Variants in SLC25A37 observed in about 807,000 individuals in gnomAD.
SLC25A37 encodes the protein mitoferrin-1.
A neutral mutation model predicts 31.0 loss-of-function variants in SLC25A37; 17 were observed. That is an observed-to-expected ratio of 0.55 (90% CI 0.38 to 0.82). The LOEUF (loss-of-function observed/expected upper bound fraction) is 0.82, where lower values mean the gene tolerates loss of function less well. Ranked by LOEUF, SLC25A37 falls within the 40% of genes least tolerant of loss-of-function variation. The pLI, the probability that SLC25A37 is intolerant of heterozygous loss-of-function variation, is 0.00. For synonymous variants in SLC25A37, 222 were observed against 193.0 expected (o/e 1.15, Z -1.24); for missense variants, 404 against 465.8 (o/e 0.87, Z 1.22).
At position 23,572,580 on chromosome 8, in the gene SLC25A37, G is replaced by C. The variant is rs762639345; in HGVS notation, c.*725G>C. ...TCTTTTCATGGGGGAAAAAAGGTAC[G>C]TTAAAAAAATCAAAATAATGATATG... On this transcript the variant is annotated 3_prime_UTR_variant, in exon 4 of 4. Coordinates refer to ENST00000519973, the MANE Select transcript of SLC25A37 (RefSeq NM_016612.4). The C allele has an allele frequency of 6.6e-6, 1 of 152,154 alleles. No individual in the cohort carries two copies. Among genetic ancestry groups the C allele is most frequent in the African/African-American group, 2.4e-5 (1 of 41,380 alleles). The allele number at this position is 152,154 out of a possible 1,614,324, so 9.4% of individuals were successfully genotyped here. A position where few individuals can be genotyped will look rare whatever the true frequency, so the allele number is the denominator to read the frequency against.
At chr8:23,559,405 C>A (rs1219393056) in intron 1 of SLC25A37, among the ~76,000 whole-genome samples, 1 of 152,132 alleles carries the variant, frequency 6.6e-6, no homozygotes, top group African/African-American at 2.4e-5. Flanking sequence ...TCTGCCCTGT[C>A]TCTGCATCCT....
chr8:23,555,546 A>G (rs1802341329), intron 1 of SLC25A37, among the ~76,000 whole-genome samples: 1 of 152,188 alleles, frequency 6.6e-6, no homozygotes, highest in Admixed American at 6.5e-5. Context: ...CAAATGTGCA[A>G]TGAAAACTCT....
chr8:23,556,532 T>G (rs775754593), intron 1 of SLC25A37, among the ~76,000 whole-genome samples: 14 of 151,680 alleles, frequency 9.2e-5, no homozygotes, highest in Non-Finnish European at 1.9e-4. Flanking sequence ...AGCTCAAATT[T>G]TCCTTTTCAT....
intron 1 of SLC25A37, chr8:23,531,913 A>C (rs1801669608): frequency 6.6e-6 from 1 of 152,236 alleles, no homozygotes; most frequent in African/African-American, 2.4e-5. Flanking sequence ...AAAATAAATA[A>C]ATAAATAAAA....
At chr8:23,563,212 G>A (rs1352378729) in intron 1 of SLC25A37, among the ~76,000 whole-genome samples, 2 of 151,946 alleles carry the variant, frequency 1.3e-5, no homozygotes, top group Admixed American at 1.3e-4. Flanking sequence ...TTTAAGACAG[G>A]GTTTTGTTCT....
intron 1 of SLC25A37, among the ~76,000 whole-genome samples, chr8:23,548,735 G>C (rs932369478): frequency 6.6e-6 from 1 of 152,164 alleles, no homozygotes; most frequent in Non-Finnish European, 1.5e-5. Flanking sequence ...CTCCTAAAGT[G>C]CTGGGATTAC....
chr8:23,561,640 A>G (rs1156777257), intron 1 of SLC25A37, among the ~76,000 whole-genome samples: 1 of 152,108 alleles, frequency 6.6e-6, no homozygotes, highest in African/African-American at 2.4e-5. Flanking sequence ...CCCTGCCCTC[A>G]CTCAGCCACT....
intron 1 of SLC25A37, among the ~76,000 whole-genome samples, chr8:23,537,196 A>AAAG: frequency 8.0e-5 from 1 of 12,492 alleles, no homozygotes; most frequent in East Asian, 7.7e-3. Context: ...ACCCTGTCTC[A>AAAG]AAAAAAAAAA....
chr8:23,553,257 C>T (rs1293097533), intron 1 of SLC25A37, among the ~76,000 whole-genome samples: 1 of 151,832 alleles, frequency 6.6e-6, no homozygotes, highest in Non-Finnish European at 1.5e-5. Context: ...CCAGTCTCTA[C>T]CAAAAAACAC....
At chr8:23,540,228 T>C (rs1004382781) in intron 1 of SLC25A37, among the ~76,000 whole-genome samples, 2 of 152,200 alleles carry the variant, frequency 1.3e-5, no homozygotes, top group African/African-American at 4.8e-5. Flanking sequence ...AACTCGGGCC[T>C]TTTTCTGCTC....
chr8:23,538,850 A>C (rs1259870192), intron 1 of SLC25A37, among the ~76,000 whole-genome samples: 1 of 152,150 alleles, frequency 6.6e-6, no homozygotes, highest in Non-Finnish European at 1.5e-5. Context: ...TGAACTGCTC[A>C]AGCTGCTGCC....
intron 1 of SLC25A37, among the ~76,000 whole-genome samples, chr8:23,549,292 C>T (rs1391103159): frequency 1.3e-5 from 2 of 152,140 alleles, no homozygotes; most frequent in Non-Finnish European, 2.9e-5. Flanking sequence ...CTGCCTCCTC[C>T]TCTCACTTTT....
chr8:23,551,522 G>T (rs932075092), intron 1 of SLC25A37, among the ~76,000 whole-genome samples: 4 of 151,902 alleles, frequency 2.6e-5, no homozygotes, highest in African/African-American at 9.7e-5. Flanking sequence ...GAGTCAGGAA[G>T]GAATTGGTAA....
chr8:23,569,399 G>GCACA lies in SLC25A37; in HGVS notation c.496+1023_496+1024insCACA, dbSNP rs1366583031. 1.8e-4 allele frequency among the ~76,000 whole-genome samples: 11 copies of GCACA among 62,448 alleles called. No individual in the cohort carries two copies. The East Asian group carries it at 3.6e-3, about 21-fold the overall frequency. The allele number at this position is 62,448 out of a possible 152,430, so 41.0% of individuals were successfully genotyped here. A position where few individuals can be genotyped will look rare whatever the true frequency, so the allele number is the denominator to read the frequency against. On this transcript the variant is annotated intron_variant, in intron 3 of 3. Transcript: ENST00000519973. The stretch of plus-strand genomic sequence containing the variant: ...TTGCACTATTCTAAAACCTATGTGT[G>GCACA]CATACACACACACACACACACACAC...
At chr8:23,546,518 TA>T (rs1288878829) in intron 1 of SLC25A37, among the ~76,000 whole-genome samples, 1 of 76,324 alleles carries the variant, frequency 1.3e-5, no homozygotes, top group Non-Finnish European at 2.1e-5. Context: ...TATAGGTATA[TA>T]TATATATAGG....
At chr8:23,540,465 C>CA (rs1311828583) in intron 1 of SLC25A37, among the ~76,000 whole-genome samples, 1 of 152,170 alleles carries the variant, frequency 6.6e-6, no homozygotes, top group Non-Finnish European at 1.5e-5. Context: ...GAAAGTGTGG[C>CA]ACAGAATGCA....
chr8:23,573,099 A>G lies in SLC25A37; in HGVS notation c.*1244A>G, dbSNP rs1216916297. 6.6e-6 allele frequency: 1 copy of G among 152,208 alleles called. No homozygotes were observed. The highest frequency in any genetic ancestry group is 1.5e-5 in the Non-Finnish European group (1 of 68,124). The allele number at this position is 152,208 out of a possible 1,614,324, so 9.4% of individuals were successfully genotyped here. ...TCTTTGTCCCTGTCTTGTCCCAACC[A>G]TTAATTCTCATGTCACAGCTTCTCA... On this transcript the variant is annotated 3_prime_UTR_variant, in exon 4 of 4. Transcript: ENST00000519973.
At chr8:23,554,844 G>A (rs888160220) in intron 1 of SLC25A37, among the ~76,000 whole-genome samples, 1 of 152,168 alleles carries the variant, frequency 6.6e-6, no homozygotes, top group Non-Finnish European at 1.5e-5. Flanking sequence ...CTGTTGCACG[G>A]CCTGTTGCTT....
chr8:23,564,468 G>A (rs1490625991), intron 1 of SLC25A37, among the ~76,000 whole-genome samples: 1 of 150,634 alleles, frequency 6.6e-6, no homozygotes, highest in Non-Finnish European at 1.5e-5. Context: ...GTGTTGGGGG[G>A]GAGTGGGGGA....
Sources: gnomAD v4.1 joint callset for allele counts (sites outside exome capture counted in the v4.1 genomes callset) on GRCh38, gnomAD v4.1.1 for gene constraint, MANE v1.5 for transcripts, NCBI Gene and HGNC (gene_info 2026-07-23, HGNC 2026-07-21) for gene names.